KDM1A: variants seen among roughly 807,000 people sequenced by gnomAD.
KDM1A encodes the protein lysine demethylase 1A, also known as lysine-specific histone demethylase 1A.
In KDM1A, 49 loss-of-function variants were observed where a neutral mutation model predicts 109.4. The ratio of observed to expected loss-of-function variants is 0.45; its 90% CI spans 0.36 to 0.57. The LOEUF (loss-of-function observed/expected upper bound fraction) is 0.57, where lower values mean the gene tolerates loss of function less well. Among genes scored for constraint, KDM1A ranks in the 20% least tolerant of loss-of-function variants. The pLI, the probability that KDM1A is intolerant of heterozygous loss-of-function variation, is 0.00. For missense variants in KDM1A, 668 were observed against 1,116.6 expected, an observed-to-expected ratio of 0.60 and a Z score of 5.73; for synonymous variants, 380 against 415.4, an observed-to-expected ratio of 0.91 and a Z score of 1.04.
chr1:23,033,178 C>A (rs1196458470), intron 2 of KDM1A, among the ~76,000 whole-genome samples: 1 of 152,156 alleles, frequency 6.6e-6, no homozygotes, highest in Non-Finnish European at 1.5e-5. Flanking sequence ...TGTTTCTCTA[C>A]CAAACCTTTT....
intron 2 of KDM1A, among the ~76,000 whole-genome samples, chr1:23,036,623 C>G (rs1238961342): frequency 6.6e-6 from 1 of 151,844 alleles, no homozygotes; most frequent in Non-Finnish European, 1.5e-5. Context: ...ATGAATGGAT[C>G]AAGATAAATA....
intron 2 of KDM1A, among the ~76,000 whole-genome samples, chr1:23,031,792 G>C (rs1281328932): frequency 6.6e-6 from 1 of 152,092 alleles, no homozygotes; most frequent in Non-Finnish European, 1.5e-5. Flanking sequence ...AAAAGATTCT[G>C]GTTTCAGTTC....
chr1:23,076,685 G>A (rs970359402), intron 15 of KDM1A, among the ~76,000 whole-genome samples: 1 of 152,200 alleles, frequency 6.6e-6, no homozygotes, highest in South Asian at 2.1e-4. Context: ...AAACTATCCA[G>A]GGAAGGCCGA....
At position 23,073,417 on chromosome 1, in the gene KDM1A, ATTG is replaced by A. The variant is rs1557588904; in HGVS notation, c.1734+17_1734+19del. The A allele has an allele frequency of 7.1e-7, 1 of 1,403,402 alleles. No homozygotes were observed. Among genetic ancestry groups the A allele is most frequent in the Non-Finnish European group, 1.0e-6 (1 of 989,534 alleles). 86.9% of individuals were successfully genotyped at this position (1,403,402 alleles called of 1,614,324 possible). On this transcript the variant is annotated intron_variant, in intron 15 of 20. Transcript: ENST00000400181. ...CACTGGGATCAGGTAAGTTTCCCTT[ATTG>A]TTTATTTTATTGCACATGCCTTTGA...
At chr1:23,042,446 T>TATTATC (rs1160357911) in intron 2 of KDM1A, among the ~76,000 whole-genome samples, 1 of 16,104 alleles carries the variant, frequency 6.2e-5, no homozygotes, top group Non-Finnish European at 1.6e-4. Context: ...TATTATTTTT[T>TATTATC]TTTTTTTTTT....
At chr1:23,068,921 A>G (rs1643228544) in intron 11 of KDM1A, 140 bp from the exon 12 acceptor site, 1 of 645,572 alleles carries the variant, frequency 1.5e-6, no homozygotes, top group Non-Finnish European at 2.6e-6. Context: ...CTAGGAAATA[A>G]TTTCCAACTA....
At chr1:23,076,271 T>C (rs926345922) in intron 15 of KDM1A, among the ~76,000 whole-genome samples, 1 of 152,046 alleles carries the variant, frequency 6.6e-6, no homozygotes, top group African/African-American at 2.4e-5. Flanking sequence ...AAATGTTACA[T>C]AGAAAAATTT....
chr1:23,069,761 C>T (rs928838706), intron 12 of KDM1A, among the ~76,000 whole-genome samples: 28 of 152,350 alleles, frequency 1.8e-4, no homozygotes, highest in African/African-American at 6.7e-4. Context: ...CCACCCCCAC[C>T]TCTGTTCCCC....
At chr1:23,038,360 CATA>C (rs969830861) in intron 2 of KDM1A, among the ~76,000 whole-genome samples, 22 of 151,830 alleles carry the variant, frequency 1.4e-4, no homozygotes, top group African/African-American at 5.1e-4. Flanking sequence ...GACTTTCTAA[CATA>C]GTTTTTTTTT....
chr1:23,028,250 G>C (rs1168003292), intron 1 of KDM1A, among the ~76,000 whole-genome samples: 1 of 152,198 alleles, frequency 6.6e-6, no homozygotes, highest in Non-Finnish European at 1.5e-5. Flanking sequence ...CTGGGCATAA[G>C]CGGTCCTCCT....
At chr1:23,023,596 A>C (rs1441898929) in intron 1 of KDM1A, among the ~76,000 whole-genome samples, 1 of 152,136 alleles carries the variant, frequency 6.6e-6, no homozygotes, top group African/African-American at 2.4e-5. Context: ...TGATTACTTT[A>C]GTTTCATAAT....
chr1:23,034,505 CTT>C (rs1432593489), intron 2 of KDM1A, among the ~76,000 whole-genome samples: 1 of 151,486 alleles, frequency 6.6e-6, no homozygotes, highest in African/African-American at 2.5e-5. Context: ...CCTTTCCTGT[CTT>C]TGCTCAGATT....
chr1:23,075,775 C>T (rs1259516781), intron 15 of KDM1A, among the ~76,000 whole-genome samples: 3 of 151,910 alleles, frequency 2.0e-5, no homozygotes, highest in South Asian at 4.1e-4. Flanking sequence ...TGGTGAAACC[C>T]CATCTCTACT....
intron 13 of KDM1A, 27 bp from the exon 14 acceptor site, chr1:23,072,097 A>G (rs1261108783): frequency 1.4e-6 from 2 of 1,448,682 alleles, no homozygotes; most frequent in Non-Finnish European, 1.9e-6. Flanking sequence ...CCTTCAGGGT[A>G]ACTCAGGTTC....
At chr1:23,044,617 A>G (rs1642449410) in intron 3 of KDM1A, 131 bp downstream of exon 3, 4 of 707,040 alleles carry the variant, frequency 5.7e-6, no homozygotes, top group Non-Finnish European at 6.9e-6. Flanking sequence ...CCCACAGGAC[A>G]TAATAGTATA....
chr1:23,050,259 C>T, intron 3 of KDM1A, 128 bp from the exon 4 acceptor site: 1 of 961,458 alleles, frequency 1.0e-6, no homozygotes, highest in Non-Finnish European at 1.4e-6. Context: ...GAAGTTTCAG[C>T]TTTTGAGACA....
At chr1:23,019,994 T>TC in intron 1 of KDM1A, 47 bp downstream of exon 1, 1 of 1,418,932 alleles carries the variant, frequency 7.0e-7, no homozygotes, top group Non-Finnish European at 9.2e-7. Context: ...GTGCCGAGCT[T>TC]CCCCGAGGCT....
At chr1:23,075,493 C>T (rs555770606) in intron 15 of KDM1A, among the ~76,000 whole-genome samples, 4 of 151,306 alleles carry the variant, frequency 2.6e-5, no homozygotes, top group Non-Finnish European at 5.9e-5. Flanking sequence ...ATTGCCTGAA[C>T]CCAGGAGGCA....
intron 9 of KDM1A, among the ~76,000 whole-genome samples, chr1:23,065,813 C>G (rs995609968): frequency 1.3e-5 from 2 of 151,956 alleles, no homozygotes; most frequent in Non-Finnish European, 2.9e-5. Flanking sequence ...ACACTTCCCC[C>G]TCACTCCCCT....
Sources: gnomAD v4.1 joint callset for allele counts (sites outside exome capture counted in the v4.1 genomes callset) on GRCh38, gnomAD v4.1.1 for gene constraint, MANE v1.5 for transcripts, NCBI Gene and HGNC (gene_info 2026-07-23, HGNC 2026-07-21) for gene names.